The following UTRN variants were observed in gnomAD, a reference collection of about 807,000 sequenced individuals.
UTRN encodes the protein utrophin.
UTRN carries 283 observed loss-of-function variants against 463.9 expected under a neutral mutation model. The observed-to-expected ratio is 0.61, with a 90% CI of 0.55 to 0.67. The LOEUF (loss-of-function observed/expected upper bound fraction) is 0.67, where lower values mean the gene tolerates loss of function less well. UTRN is among the 30% of genes least tolerant of loss of function. The pLI, the probability that UTRN is intolerant of heterozygous loss-of-function variation, is 0.00. For synonymous variants in UTRN, 1,442 were observed against 1,431.5 expected (o/e 1.01, Z -0.17); for missense variants, 3,922 against 4,084.3 (o/e 0.96, Z 1.08).
chr6:144,751,728 T>G, intron 55 of UTRN, 78 bp from the exon 56 acceptor site: 1 of 1,400,640 alleles, frequency 7.1e-7, no homozygotes, highest in Admixed American at 2.5e-5. Flanking sequence ...AGTTCAGACC[T>G]AAGTTATTTA....
At chr6:144,293,543 T>A (rs1446837854) in intron 2 of UTRN, among the ~76,000 whole-genome samples, 1 of 151,944 alleles carries the variant, frequency 6.6e-6, no homozygotes, top group East Asian at 1.9e-4. Flanking sequence ...GTTTCTAGAG[T>A]TTTTCCCTAG....
chr6:144,604,477 C>T (rs1352358847), intron 51 of UTRN, among the ~76,000 whole-genome samples: 1 of 152,120 alleles, frequency 6.6e-6, no homozygotes, highest in African/African-American at 2.4e-5. Flanking sequence ...AACTCAGGAG[C>T]TTTGTATAAA....
chr6:144,320,190 G>A (rs997006948), intron 2 of UTRN, among the ~76,000 whole-genome samples: 1 of 152,130 alleles, frequency 6.6e-6, no homozygotes, highest in Non-Finnish European at 1.5e-5. Context: ...CTGCAGACTC[G>A]GATAAAAATA....
At position 144,429,717 on chromosome 6, in the gene UTRN, T is replaced by A; in HGVS notation, c.831T>A (p.Cys277Ter). The change falls in exon 9 of 75, where the codon TGT becomes TGA. Residue 277 changes from cysteine (C) to a stop codon, truncating the protein, a stop_gained. Transcript: ENST00000367545. LOFTEE classifies it high-confidence loss of function. ...TCCCAAGGAAATATAAAAAAGAATG[T>A]GAAGAAGAGGCAATTAATATACAGG... ...ETLPRKYKKE[C>*]EEEAINIQST... The A allele has an allele frequency of 2.5e-6, 4 of 1,611,432 alleles. No individual in the cohort carries two copies. The highest frequency in any genetic ancestry group is 3.4e-6 in the Non-Finnish European group (4 of 1,179,114).
In UTRN at chr6:144,462,903, C is replaced by T. The variant is rs147707236; in HGVS notation, c.3066+37C>T. 84 of 1,462,286 alleles carry T rather than the reference C, an allele frequency of 5.7e-5. No homozygotes were observed. The East Asian group carries it at 1.0e-3, about 18-fold the overall frequency. The allele number at this position is 1,462,286 out of a possible 1,614,324, so 90.6% of individuals were successfully genotyped here. ...GGCCACTGGGAGTTTAAGTTTATTA[C>T]GGGGTAAATAGTAATTATCTTATAA... On this transcript the variant is annotated intron_variant, in intron 23 of 74. Coordinates refer to ENST00000367545, the MANE Select transcript of UTRN (RefSeq NM_007124.3).
At chr6:144,576,989 T>C in intron 50 of UTRN, 110 bp from the exon 51 acceptor site, 1 of 1,013,306 alleles carries the variant, frequency 9.9e-7, no homozygotes, top group Non-Finnish European at 1.4e-6. Context: ...GTGACTTGAA[T>C]AAAAGGTCCT....
chr6:144,443,814 A>G (rs950630492), intron 13 of UTRN, among the ~76,000 whole-genome samples: 10 of 152,174 alleles, frequency 6.6e-5, no homozygotes, highest in South Asian at 4.2e-4. Flanking sequence ...TAAGTTAAAC[A>G]TTTTTCATAA....
chr6:144,395,624 G>A (rs1243468340), intron 2 of UTRN, among the ~76,000 whole-genome samples: 1 of 152,134 alleles, frequency 6.6e-6, no homozygotes. Context: ...TTAGAAGATG[G>A]AATTAATGGT....
chr6:144,718,014 G>A (rs1338513590), intron 53 of UTRN, among the ~76,000 whole-genome samples: 4 of 152,084 alleles, frequency 2.6e-5, no homozygotes, highest in Admixed American at 6.5e-5. Flanking sequence ...ACTTTCAGAT[G>A]TTCCTGCAAA....
chr6:144,771,946 G>A lies in UTRN; in HGVS notation c.8535G>A (p.Met2845Ile), dbSNP rs1469077394. 6.6e-7 allele frequency: 1 copy of A among 1,510,844 alleles called. No individual in the cohort carries two copies. The highest frequency in any genetic ancestry group is 1.4e-5 in the African/African-American group (1 of 69,670). The allele number at this position is 1,510,844 out of a possible 1,614,324, so 93.6% of individuals were successfully genotyped here. A position where few individuals can be genotyped will look rare whatever the true frequency, so the allele number is the denominator to read the frequency against. The change falls in exon 59 of 75, where the codon ATG becomes ATA. Residue 2845 changes from methionine (M) to isoleucine (I), a missense_variant. Physicochemically the swap from Met to Ile is conservative, Grantham distance 10. Transcript: ENST00000367545. ...CCACCTGTTGGGACCATCCTAAAAT[G>A]ACCGAACTCTTTCAATCCCTTGGTA... ...TQTTCWDHPKMTELFQSLADL... is the reference protein window; with the variant it reads ...TQTTCWDHPKITELFQSLADL...
chr6:144,748,048 T>G (rs887227599), intron 54 of UTRN, among the ~76,000 whole-genome samples, 198 bp from the exon 55 acceptor site: 2 of 152,176 alleles, frequency 1.3e-5, no homozygotes, highest in Non-Finnish European at 2.9e-5. Flanking sequence ...TCCTTTTGAG[T>G]GTGTGATTAA....
intron 52 of UTRN, among the ~76,000 whole-genome samples, chr6:144,679,738 A>G (rs1001712804): frequency 2.4e-4 from 36 of 152,180 alleles, no homozygotes; most frequent in African/African-American, 8.7e-4. Flanking sequence ...TTAATGGAGA[A>G]CAGAATTTTC....
intron 64 of UTRN, among the ~76,000 whole-genome samples, 170 bp from the exon 65 acceptor site, chr6:144,802,866 C>A (rs1157925110): frequency 6.6e-6 from 1 of 152,206 alleles, no homozygotes; most frequent in East Asian, 1.9e-4. Context: ...TTCTGACATG[C>A]ATATTTGTCT....
At chr6:144,806,336 C>T (rs145721578) in intron 65 of UTRN, among the ~76,000 whole-genome samples, 2 of 152,250 alleles carry the variant, frequency 1.3e-5, no homozygotes, top group East Asian at 3.9e-4. Context: ...AAGATTGCAG[C>T]TTATCCTGCA....
intron 58 of UTRN, among the ~76,000 whole-genome samples, chr6:144,766,943 T>A (rs1586465855): frequency 6.6e-6 from 1 of 152,040 alleles, no homozygotes; most frequent in African/African-American, 2.4e-5. Flanking sequence ...GGACAATTTC[T>A]CAGTTAAAGG....
At chr6:144,391,751 T>C (rs1584575646) in intron 2 of UTRN, among the ~76,000 whole-genome samples, 1 of 152,202 alleles carries the variant, frequency 6.6e-6, no homozygotes, top group Non-Finnish European at 1.5e-5. Context: ...ACACCATTCT[T>C]CTGCCTCAGC....
chr6:144,414,453 G>C (rs1784198245), intron 3 of UTRN, among the ~76,000 whole-genome samples: 1 of 152,156 alleles, frequency 6.6e-6, no homozygotes, highest in African/African-American at 2.4e-5. Context: ...TGTGTGATGT[G>C]TTTGTGTTTT....
intron 51 of UTRN, among the ~76,000 whole-genome samples, chr6:144,612,996 A>G (rs373216985): frequency 6.6e-6 from 1 of 152,240 alleles, no homozygotes; most frequent in African/African-American, 2.4e-5. Context: ...AATGTGGTAT[A>G]TCTCCATAAT....
chr6:144,545,369 G>T (rs1401948795), intron 46 of UTRN, among the ~76,000 whole-genome samples: 1 of 152,102 alleles, frequency 6.6e-6, no homozygotes, highest in Non-Finnish European at 1.5e-5. Context: ...ACATAAATGA[G>T]TTCCAAAGTC....
Sources: gnomAD v4.1 joint callset for allele counts (sites outside exome capture counted in the v4.1 genomes callset) on GRCh38, gnomAD v4.1.1 for gene constraint, MANE v1.5 for transcripts, NCBI Gene and HGNC (gene_info 2026-07-23, HGNC 2026-07-21) for gene names.